The following RPS6KC1 variants were observed in gnomAD, a reference collection of about 807,000 sequenced individuals.
The protein encoded by RPS6KC1 is inactive ribosomal protein S6 kinase delta-1.
RPS6KC1 carries 54 observed loss-of-function variants against 103.8 expected under a neutral mutation model. The ratio of observed to expected loss-of-function variants is 0.52; its 90% CI spans 0.42 to 0.65. The LOEUF is 0.65. Ranked by LOEUF, RPS6KC1 falls within the 30% of genes least tolerant of loss-of-function variation. The pLI is 0.00. For synonymous variants in RPS6KC1, 439 were observed against 438.7 expected, an observed-to-expected ratio of 1.00 and a Z score of -0.01; for missense variants, 1,151 against 1,253.8, an observed-to-expected ratio of 0.92 and a Z score of 1.24.
At chr1:213,807,526 C>A in the RPS6KC1 span, among the ~76,000 whole-genome samples, 54 of 152,244 alleles carry the variant, frequency 3.5e-4, no homozygotes, top group African/African-American at 1.2e-3. Flanking sequence ...TCATTTCATT[C>A]ATTTCATCTT....
chr1:213,071,875 T>C (rs1281345145), intron 2 of RPS6KC1, among the ~76,000 whole-genome samples: 2 of 152,142 alleles, frequency 1.3e-5, no homozygotes, highest in Non-Finnish European at 2.9e-5. Flanking sequence ...TCATTTTTTT[T>C]CCTTCTTTCT....
chr1:213,303,955 C>A, the RPS6KC1 span, among the ~76,000 whole-genome samples: 3 of 151,798 alleles, frequency 2.0e-5, no homozygotes, highest in Non-Finnish European at 4.4e-5. Context: ...CCTGTAATCC[C>A]AGCACTCTGG....
chr1:213,260,819 A>G (rs188216178), intron 12 of RPS6KC1, among the ~76,000 whole-genome samples: 1 of 151,596 alleles, frequency 6.6e-6, no homozygotes, highest in Admixed American at 6.6e-5. Context: ...AACCTGAAAG[A>G]TGACACCTGA....
the RPS6KC1 span, among the ~76,000 whole-genome samples, chr1:213,728,526 C>A: frequency 6.6e-6 from 1 of 152,156 alleles, no homozygotes; most frequent in African/African-American, 2.4e-5. Context: ...GGATCTTCAC[C>A]TTTCTGTGCC....
chr1:213,626,187 A>T, the RPS6KC1 span, among the ~76,000 whole-genome samples: 43 of 152,288 alleles, frequency 2.8e-4, no homozygotes, highest in Admixed American at 2.4e-3. Flanking sequence ...CCAGTGATGA[A>T]GAGCATTTTT....
At chr1:213,824,691 C>A in the RPS6KC1 span, among the ~76,000 whole-genome samples, 14 of 152,134 alleles carry the variant, frequency 9.2e-5, no homozygotes, top group African/African-American at 3.1e-4. Context: ...AGTTTCCCTG[C>A]GCAAGCTCTC....
chr1:213,232,187 A>C lies in RPS6KC1; in HGVS notation c.1157A>C (p.Asn386Thr). The C allele has an allele frequency of 5.0e-6, 8 of 1,614,064 alleles. No individual in the cohort carries two copies. The highest frequency in any genetic ancestry group is 5.9e-6 in the Non-Finnish European group (7 of 1,179,922). ...ACCATCATCCCCCGCTGTGTGCCCA[A>C]CATGGTGTGTCTGCATAAGTACATC... ...RKTIIPRCVP[N>T]MVCLHKYIIS... Residue 386 changes from asparagine (N) to threonine (T), a missense_variant, in exon 10 of 15, where the codon AAC becomes ACC. Around this residue, in one of 3 missense-constraint regions of RPS6KC1, gnomAD observed 959 missense variants for 1,006.3 expected, o/e 0.95. Coordinates refer to ENST00000366960, the MANE Select transcript of RPS6KC1 (RefSeq NM_012424.6).
chr1:213,658,694 C>T, the RPS6KC1 span, among the ~76,000 whole-genome samples: 1 of 152,186 alleles, frequency 6.6e-6, no homozygotes. Context: ...TTCTGGATTG[C>T]ATAAATAGAG....
the RPS6KC1 span, among the ~76,000 whole-genome samples, chr1:213,464,791 A>T: frequency 1.3e-5 from 2 of 151,348 alleles, no homozygotes; most frequent in East Asian, 1.9e-4. Flanking sequence ...TTTTTTTTTT[A>T]AATCAGAAAT....
chr1:213,702,952 G>C, the RPS6KC1 span, among the ~76,000 whole-genome samples: 1 of 151,852 alleles, frequency 6.6e-6, no homozygotes, highest in East Asian at 1.9e-4. Flanking sequence ...GATAAGTAAG[G>C]ACTTACTCCT....
the RPS6KC1 span, among the ~76,000 whole-genome samples, chr1:213,339,162 G>T: frequency 6.6e-6 from 1 of 152,184 alleles, no homozygotes; most frequent in Non-Finnish European, 1.5e-5. Flanking sequence ...TACTCAGGAG[G>T]CTGAGAGGCA....
intron 12 of RPS6KC1, among the ~76,000 whole-genome samples, chr1:213,257,038 A>G (rs2094662223): frequency 6.6e-6 from 1 of 152,132 alleles, no homozygotes; most frequent in Non-Finnish European, 1.5e-5. Context: ...AGGTCTATTT[A>G]TTTTAAAAAA....
chr1:213,618,971 C>T, the RPS6KC1 span, among the ~76,000 whole-genome samples: 1 of 152,104 alleles, frequency 6.6e-6, no homozygotes, highest in Non-Finnish European at 1.5e-5. Context: ...GCGACACACA[C>T]GTGGCTTATG....
At chr1:213,747,458 A>G in the RPS6KC1 span, among the ~76,000 whole-genome samples, 1 of 152,200 alleles carries the variant, frequency 6.6e-6, no homozygotes, top group African/African-American at 2.4e-5. Context: ...TCCACTGCAA[A>G]GGAGATCAAA....
Position 213,232,209 on chromosome 1 carries a change from C to T in RPS6KC1, c.1179C>T (p.Tyr393=). ...CCAACATGGTGTGTCTGCATAAGTA[C>T]ATCATCTCTGAGGAGTCAGTATTTC... is the stretch of plus-strand genomic sequence containing the variant. ...CVPNMVCLHK[Y]IISEESVFLV... is the part of the protein sequence containing the mutation. The change falls in exon 10 of 15, where the codon TAC becomes TAT. Residue 393 remains tyrosine (Y), a synonymous_variant. Transcript: ENST00000366960. 1 of 1,614,040 alleles carries T rather than the reference C, an allele frequency of 6.2e-7. No individual in the cohort carries two copies. Among genetic ancestry groups the T allele is most frequent in the South Asian group, 1.1e-5 (1 of 91,076 alleles).
intron 10 of RPS6KC1, 85 bp from the exon 11 acceptor site, chr1:213,240,617 A>T: frequency 9.2e-7 from 1 of 1,086,264 alleles, no homozygotes; most frequent in Non-Finnish European, 1.3e-6. Context: ...GATTTTTAAG[A>T]TAGTTTTTGT....
the RPS6KC1 span, among the ~76,000 whole-genome samples, chr1:213,736,102 A>G: frequency 6.6e-6 from 1 of 152,222 alleles, no homozygotes; most frequent in Non-Finnish European, 1.5e-5. Context: ...GAGCTAACAC[A>G]GGCCTATCAA....
chr1:213,160,432 A>G (rs2090350933), intron 6 of RPS6KC1, among the ~76,000 whole-genome samples: 1 of 152,240 alleles, frequency 6.6e-6, no homozygotes, highest in African/African-American at 2.4e-5. Flanking sequence ...CCAATCATGC[A>G]TCTTTTGGAA....
chr1:213,692,921 C>T, the RPS6KC1 span, among the ~76,000 whole-genome samples: 1 of 152,144 alleles, frequency 6.6e-6, no homozygotes, highest in Non-Finnish European at 1.5e-5. Flanking sequence ...TCCTGGTGGT[C>T]GTGGGGCCAT....
Sources: allele counts gnomAD v4.1 joint callset (sites outside exome capture counted in the v4.1 genomes callset), GRCh38; gene constraint gnomAD v4.1.1; regional missense constraint gnomAD v4.1.1; transcripts MANE v1.5; gene names NCBI Gene and HGNC (gene_info 2026-07-23, HGNC 2026-07-21).